The following ZNF831 variants were observed in gnomAD, a reference collection of about 807,000 sequenced individuals.
The protein encoded by ZNF831 is zinc finger protein 831, also known as chromosome 20 open reading frame 174.
ZNF831 carries 59 observed loss-of-function variants against 95.8 expected under a neutral mutation model. The ratio of observed to expected loss-of-function variants is 0.62; its 90% CI spans 0.50 to 0.77. The LOEUF is 0.77. Among genes scored for constraint, ZNF831 ranks in the 30% least tolerant of loss-of-function variants. The probability of loss-of-function intolerance (pLI) is 0.00; values close to 1 mark genes in which losing one functional copy is unlikely to be tolerated. For missense variants in ZNF831, 2,205 were observed against 2,164.0 expected, an observed-to-expected ratio of 1.02 and a Z score of -0.38; for synonymous variants, 961 against 925.5, an observed-to-expected ratio of 1.04 and a Z score of -0.70.
intron 1 of ZNF831, among the ~76,000 whole-genome samples, chr20:59,187,099 C>T (rs905909884): frequency 1.3e-5 from 2 of 152,116 alleles, no homozygotes. Flanking sequence ...AGCGTTCCCA[C>T]CACACCAGCA....
chr20:59,172,058 G>T (rs1030158971), intron 1 of ZNF831, among the ~76,000 whole-genome samples: 2 of 152,118 alleles, frequency 1.3e-5, no homozygotes, highest in Non-Finnish European at 1.5e-5. Flanking sequence ...TCAATCAAGG[G>T]CCTGTAGGTC....
At chr20:59,141,426 T>G (rs528347632) in intron 1 of ZNF831, among the ~76,000 whole-genome samples, 1 of 152,354 alleles carries the variant, frequency 6.6e-6, no homozygotes, top group East Asian at 1.9e-4. Flanking sequence ...CTTTCTTTCA[T>G]TTTTGCCTAC....
chr20:59,234,041 T>C (rs1986875246), intron 4 of ZNF831, among the ~76,000 whole-genome samples: 1 of 152,218 alleles, frequency 6.6e-6, no homozygotes, highest in African/African-American at 2.4e-5. Flanking sequence ...GGTTCCTTTC[T>C]AAGAAGAGAA....
chr20:59,238,122 C>T (rs140939031), intron 4 of ZNF831, among the ~76,000 whole-genome samples: 1 of 152,262 alleles, frequency 6.6e-6, no homozygotes, highest in East Asian at 1.9e-4. Flanking sequence ...CTCGGACCCT[C>T]GTCCTTTCTG....
intron 4 of ZNF831, among the ~76,000 whole-genome samples, chr20:59,238,547 C>G (rs1987131451): frequency 6.6e-6 from 1 of 152,194 alleles, no homozygotes; most frequent in Non-Finnish European, 1.5e-5. Flanking sequence ...GATTGTCCAA[C>G]CTTGACTTTG....
At chr20:59,156,231 T>C (rs986923189) in intron 2 of ZNF831, among the ~76,000 whole-genome samples, 5 of 152,196 alleles carry the variant, frequency 3.3e-5, no homozygotes, top group African/African-American at 4.8e-5. Context: ...TCTACTGTCT[T>C]AGAAAATTTT....
At chr20:59,247,251 GTTGGGGTCCTAT>G (rs1329696655) in intron 4 of ZNF831, among the ~76,000 whole-genome samples, 1 of 152,180 alleles carries the variant, frequency 6.6e-6, no homozygotes, top group Non-Finnish European at 1.5e-5. Flanking sequence ...TACAGGTTGG[GTTGGGGTCCTAT>G]TTCATGGCCA....
At chr20:59,180,503 A>G (rs907122680) in intron 1 of ZNF831, among the ~76,000 whole-genome samples, 27 of 152,050 alleles carry the variant, frequency 1.8e-4, no homozygotes, top group African/African-American at 6.3e-4. Flanking sequence ...TATTTGTCCT[A>G]ATGGTCTCCC....
At position 59,192,803 on chromosome 20, in the gene ZNF831, C is replaced by A. The variant is rs2146572045; in HGVS notation, c.1784C>A (p.Ala595Asp). 2 of 1,611,712 alleles carry A rather than the reference C, an allele frequency of 1.2e-6. No individual in the cohort carries two copies. Residue 595 changes from alanine (A) to aspartate (D), a missense_variant, in exon 2 of 6, where the codon GCC becomes GAC. Transcript: ENST00000371030. This position sits in a 1 kb window ranked among gnomAD's most constrained non-coding sequence, Gnocchi z 5.2. ...TDAKRTAARE[A>D]MAGKGRAGGR... ...GCAAAGAGAACTGCTGCGCGGGAGG[C>A]CATGGCCGGCAAGGGCAGAGCGGGC... is the stretch of plus-strand genomic sequence containing the variant.
At chr20:59,242,171 T>C (rs891010153) in intron 4 of ZNF831, among the ~76,000 whole-genome samples, 1 of 152,240 alleles carries the variant, frequency 6.6e-6, no homozygotes, top group Non-Finnish European at 1.5e-5. Context: ...GAGCCCATTT[T>C]TCCCCCCTCA....
rs777523800 is a variant in ZNF831 at position 59,194,262 on chromosome 20, C to T, written c.3243C>T (p.Gly1081=). The change falls in exon 2 of 6, where the codon GGC becomes GGT. Residue 1081 remains glycine, a synonymous_variant. Coordinates refer to ENST00000371030, the MANE Select transcript of ZNF831 (RefSeq NM_178457.3). ...DSHRIHRLCM[G]STLARARLSG... ...ACCGTATCCATCGCCTCTGCATGGG[C>T]AGCACTTTGGCAAGGGCCAGGCTCT... 128 of 1,613,906 alleles carry T rather than the reference C, an allele frequency of 7.9e-5. No individual in the cohort carries two copies. Among genetic ancestry groups the T allele is most frequent in the Non-Finnish European group, 1.0e-4 (123 of 1,180,014 alleles).
chr20:59,194,812 G>A (rs1379128869), intron 2 of ZNF831, 55 bp downstream of exon 2: 35 of 1,493,712 alleles, frequency 2.3e-5, no homozygotes, highest in Non-Finnish European at 2.8e-5. Flanking sequence ...TTGTTATCCC[G>A]TAAGACCTCT....
At chr20:59,249,343 T>C (rs1320100037) in intron 4 of ZNF831, among the ~76,000 whole-genome samples, 4 of 152,184 alleles carry the variant, frequency 2.6e-5, no homozygotes, top group Non-Finnish European at 5.9e-5. Flanking sequence ...CTCCTGTTAA[T>C]TGTTACTGCC....
At chr20:59,240,586 G>A (rs1191998667) in intron 4 of ZNF831, among the ~76,000 whole-genome samples, 1 of 152,002 alleles carries the variant, frequency 6.6e-6, no homozygotes, top group Non-Finnish European at 1.5e-5. Flanking sequence ...CGGATCACGA[G>A]GTCAGGAGAT....
At chr20:59,139,502 C>T (rs918329125) in intron 1 of ZNF831, among the ~76,000 whole-genome samples, 1 of 152,106 alleles carries the variant, frequency 6.6e-6, no homozygotes, top group African/African-American at 2.4e-5. Flanking sequence ...CAGGCCATGA[C>T]ACAGGTGAAT....
intron 3 of ZNF831, 77 bp from the exon 4 acceptor site, chr20:59,206,828 C>G: frequency 6.5e-7 from 1 of 1,540,164 alleles, no homozygotes; most frequent in Admixed American, 1.8e-5. Flanking sequence ...CCTGGGCACC[C>G]CACAGTGACT....
chr20:59,149,058 C>T (rs567845477), intron 2 of ZNF831, among the ~76,000 whole-genome samples: 1 of 152,318 alleles, frequency 6.6e-6, no homozygotes, highest in East Asian at 1.9e-4. Context: ...CCATCCCTTC[C>T]AGGCTGGCCG....
chr20:59,128,753 A>G (rs1176926009), intron 1 of ZNF831, among the ~76,000 whole-genome samples: 1 of 152,104 alleles, frequency 6.6e-6, no homozygotes, highest in East Asian at 1.9e-4. Context: ...AACACTTTTT[A>G]TTTTGAAATT....
intron 1 of ZNF831, among the ~76,000 whole-genome samples, chr20:59,135,528 G>A (rs772927249): frequency 2.0e-5 from 3 of 152,190 alleles, no homozygotes; most frequent in South Asian, 4.1e-4. Flanking sequence ...TCAAGAGATC[G>A]AGACCATCCT....
Sources: gnomAD v4.1 joint callset for allele counts (sites outside exome capture counted in the v4.1 genomes callset) on GRCh38, gnomAD v4.1.1 for gene constraint, Gnocchi (gnomAD v3.1) non-coding constraint, MANE v1.5 for transcripts, NCBI Gene and HGNC (gene_info 2026-07-23, HGNC 2026-07-21) for gene names.